Variants in TRIO observed in about 807,000 individuals in gnomAD.
The protein encoded by TRIO is trio Rho guanine nucleotide exchange factor.
Under a neutral mutation model 351.9 loss-of-function variants are expected in TRIO, and 58 were observed. The ratio of observed to expected loss-of-function variants is 0.16; its 90% CI spans 0.13 to 0.21. The LOEUF is 0.21. Ranked by LOEUF, TRIO falls within the 10% of genes least tolerant of loss-of-function variation. The pLI is 1.00. For missense variants in TRIO, 3,201 were observed against 4,027.8 expected, an observed-to-expected ratio of 0.79 and a Z score of 5.56; for synonymous variants, 1,758 against 1,595.7, an observed-to-expected ratio of 1.10 and a Z score of -2.42.
chr5:14,355,127 C>A (rs1467143744), intron 11 of TRIO, among the ~76,000 whole-genome samples: 2 of 152,132 alleles, frequency 1.3e-5, no homozygotes, highest in Non-Finnish European at 2.9e-5. Flanking sequence ...CAGTTGCTCA[C>A]CCCACCCCAC....
At chr5:14,254,052 T>G (rs1367924861) in intron 1 of TRIO, among the ~76,000 whole-genome samples, 1 of 152,152 alleles carries the variant, frequency 6.6e-6, no homozygotes, top group African/African-American at 2.4e-5. Context: ...AAAAATTCTC[T>G]CAGATTTAAT....
chr5:14,467,857 G>A (rs935665244), intron 37 of TRIO, among the ~76,000 whole-genome samples: 13 of 152,150 alleles, frequency 8.5e-5, no homozygotes, highest in African/African-American at 3.1e-4. Flanking sequence ...TATGTACTGA[G>A]TTCAGCTACA....
At chr5:14,496,195 T>A (rs26108) in intron 49 of TRIO, among the ~76,000 whole-genome samples, 26,956 of 152,200 alleles carry the variant, frequency 0.18, 2,555 homozygotes, top group African/African-American at 0.23. Context: ...TAGTATAAAC[T>A]TAACTTTTAT....
intron 1 of TRIO, among the ~76,000 whole-genome samples, chr5:14,226,876 C>CTGCAGCTCTCCTCCTTCCTGGTTTT (rs1793076237): frequency 3.7e-4 from 4 of 10,688 alleles, no homozygotes; most frequent in South Asian, 3.6e-3. Context: ...AAAGTGGTTT[C>CTGCAGCTCTCCTCCTTCCTGGTTTT]TGCAGCTCTC....
intron 1 of TRIO, among the ~76,000 whole-genome samples, chr5:14,249,367 A>G (rs1423496763): frequency 6.6e-6 from 1 of 152,226 alleles, no homozygotes; most frequent in African/African-American, 2.4e-5. Context: ...CACTCCAGGC[A>G]AATGCCAGTT....
chr5:14,242,483 AAATAGTGTTGCCT>A (rs1241470114), intron 1 of TRIO, among the ~76,000 whole-genome samples: 2 of 152,218 alleles, frequency 1.3e-5, no homozygotes, highest in African/African-American at 4.8e-5. Context: ...CACAAGAAGA[AAATAGTGTTGCCT>A]ACCAGGCATA....
intron 11 of TRIO, among the ~76,000 whole-genome samples, chr5:14,350,410 TAAAA>T (rs1160473757): frequency 2.6e-5 from 4 of 151,780 alleles, no homozygotes; most frequent in Non-Finnish European, 5.9e-5. Flanking sequence ...GGAAAGAAAA[TAAAA>T]AAAACCCCAA....
At chr5:14,449,660 A>G (rs142084400) in intron 34 of TRIO, among the ~76,000 whole-genome samples, 1 of 152,238 alleles carries the variant, frequency 6.6e-6, no homozygotes, top group African/African-American at 2.4e-5. Context: ...TGTTCCGTTC[A>G]GGACATGTAT....
At chr5:14,340,404 A>AG (rs1741838809) in intron 11 of TRIO, among the ~76,000 whole-genome samples, 2 of 151,734 alleles carry the variant, frequency 1.3e-5, no homozygotes, top group South Asian at 4.2e-4. Context: ...CTGGAAAAAA[A>AG]AAAAAAAAAA....
intron 34 of TRIO, among the ~76,000 whole-genome samples, chr5:14,431,051 C>T (rs879439580): frequency 6.6e-6 from 1 of 152,218 alleles, no homozygotes; most frequent in Non-Finnish European, 1.5e-5. Flanking sequence ...TCTCCCAAAT[C>T]TAACTTCCTT....
At chr5:14,449,568 C>G (rs969264525) in intron 34 of TRIO, among the ~76,000 whole-genome samples, 2 of 152,180 alleles carry the variant, frequency 1.3e-5, no homozygotes, top group Non-Finnish European at 2.9e-5. Context: ...TTCCTGGAAG[C>G]CAACAGCCTA....
chr5:14,233,287 C>T (rs889005513), intron 1 of TRIO, among the ~76,000 whole-genome samples: 6 of 144,612 alleles, frequency 4.1e-5, no homozygotes, highest in African/African-American at 1.6e-4. Context: ...TCGAGACCAG[C>T]CTAGGCAACA....
At chr5:14,318,620 C>T (rs1739594112) in intron 9 of TRIO, among the ~76,000 whole-genome samples, 1 of 151,996 alleles carries the variant, frequency 6.6e-6, no homozygotes, top group Non-Finnish European at 1.5e-5. Context: ...TTGTTTTAGT[C>T]CAAGAAGATA....
intron 11 of TRIO, among the ~76,000 whole-genome samples, chr5:14,354,047 C>T (rs1189140968): frequency 6.6e-6 from 1 of 152,200 alleles, no homozygotes; most frequent in African/African-American, 2.4e-5. Flanking sequence ...CACAGTGAGT[C>T]AGGGGACAGG....
intron 28 of TRIO, among the ~76,000 whole-genome samples, chr5:14,395,919 G>A (rs1479063347): frequency 3.3e-5 from 5 of 151,810 alleles, no homozygotes; most frequent in East Asian, 1.9e-4. Context: ...GGTGGCGGGC[G>A]CCTGTAGTCC....
chr5:14,227,176 A>G (rs1221593868), intron 1 of TRIO, among the ~76,000 whole-genome samples: 1 of 152,168 alleles, frequency 6.6e-6, no homozygotes, highest in Non-Finnish European at 1.5e-5. Flanking sequence ...AGGTATTTCA[A>G]GCATTTGGTC....
At position 14,481,288 on chromosome 5, in the gene TRIO, C is replaced by T; in HGVS notation, c.6387+4C>T. 1 of 1,613,676 alleles carries T rather than the reference C, an allele frequency of 6.2e-7. No homozygotes were observed. Among genetic ancestry groups the T allele is most frequent in the South Asian group, 1.1e-5 (1 of 90,914 alleles). On this transcript the variant is annotated splice_donor_region_variant and intron_variant, in intron 44 of 56. Transcript: ENST00000344204. ...CCTGGATACATCAGAATTAGAGGTA[C>T]ATGCATCAGCGGCTGTGGGCACCCA...
intron 1 of TRIO, among the ~76,000 whole-genome samples, chr5:14,206,122 C>G (rs956420892): frequency 6.6e-6 from 1 of 152,110 alleles, no homozygotes. Flanking sequence ...AGTGCAGTGG[C>G]GCAATCTCAG....
At chr5:14,371,024 C>T (rs1745059709) in intron 18 of TRIO, among the ~76,000 whole-genome samples, 1 of 152,186 alleles carries the variant, frequency 6.6e-6, no homozygotes, top group Admixed American at 6.5e-5. Context: ...ACCTGTACAT[C>T]AAATGCTATA....
Sources: allele counts gnomAD v4.1 joint callset (sites outside exome capture counted in the v4.1 genomes callset), GRCh38; gene constraint gnomAD v4.1.1; transcripts MANE v1.5; gene names NCBI Gene and HGNC (gene_info 2026-07-23, HGNC 2026-07-21).